MAK: variants seen among roughly 807,000 people sequenced by gnomAD.
MAK encodes serine/threonine-protein kinase MAK.
MAK carries 65 observed loss-of-function variants against 82.6 expected under a neutral mutation model. The observed-to-expected ratio is 0.79, with a 90% confidence interval of 0.64 to 0.97. The LOEUF (loss-of-function observed/expected upper bound fraction) is 0.97. Ranked by LOEUF, MAK falls within the 50% of genes least tolerant of loss-of-function variation. The pLI is 0.00. For synonymous variants in MAK, 250 were observed against 274.2 expected (o/e 0.91, Z 0.87); for missense variants, 703 against 780.2 (o/e 0.90, Z 1.18).
intron 11 of MAK, among the ~76,000 whole-genome samples, chr6:10,781,854 T>G (rs1009956740): frequency 3.3e-5 from 5 of 152,114 alleles, no homozygotes; most frequent in Admixed American, 6.5e-5. Context: ...TCAGGCCCAC[T>G]TCCCATGTCT....
In MAK at chr6:10,776,946, A is replaced by G. The variant is rs902377420; in HGVS notation, c.1466-1487T>C. On this transcript the variant is annotated intron_variant, in intron 11 of 14. Transcript: ENST00000354489. This position sits in a 1 kb window ranked among gnomAD's most constrained non-coding sequence, Gnocchi z 4.3. ...CTAAAAACACAAAAATTAGCCAGGC[A>G]TGAGACAGGAGAATCGCTTGAACCT... 6.6e-6 allele frequency among the ~76,000 whole-genome samples: 1 copy of G among 151,644 alleles called. No individual in the cohort carries two copies. The highest frequency in any genetic ancestry group is 1.5e-5 in the Non-Finnish European group (1 of 67,896).
chr6:10,833,231 G>A (rs896882920), intron 1 of MAK, among the ~76,000 whole-genome samples: 1 of 152,230 alleles, frequency 6.6e-6, no homozygotes, highest in Non-Finnish European at 1.5e-5. Flanking sequence ...GAGCAGCACA[G>A]TAAAGTTATG....
chr6:10,791,634 T>C (rs1327665871), intron 10 of MAK, 41 bp downstream of exon 10: 10 of 1,574,812 alleles, frequency 6.3e-6, no homozygotes, highest in Non-Finnish European at 8.7e-6. Flanking sequence ...ATAAAGTTAA[T>C]GCATGGCAAA....
In MAK at chr6:10,796,113, G is replaced by A; in HGVS notation, c.1028C>T (p.Pro343Leu). 1 of 1,614,136 alleles carries A rather than the reference G, an allele frequency of 6.2e-7. No individual in the cohort carries two copies. Among genetic ancestry groups the A allele is most frequent in the Non-Finnish European group, 8.5e-7 (1 of 1,180,034 alleles). The change falls in exon 9 of 15, where the codon CCA becomes CTA. Residue 343 changes from proline (P) to leucine (L), a missense_variant. Coordinates refer to ENST00000354489, the MANE Select transcript of MAK (RefSeq NM_001242957.3). ...CTGTGGCGGCTGAATGGGCTGCAGTGGCTGCTGGCTAGTTTTTGGCTGGGG... is the reference window on the plus strand; with the variant it reads ...CTGTGGCGGCTGAATGGGCTGCAGTAGCTGCTGGCTAGTTTTTGGCTGGGG... Reference protein sequence around the residue: ...GQPQPKTSQQPLQPIQPPQNL... With the variant: ...GQPQPKTSQQLLQPIQPPQNL...
intron 14 of MAK, among the ~76,000 whole-genome samples, chr6:10,767,067 G>A (rs1772510930): frequency 6.7e-6 from 1 of 148,310 alleles, no homozygotes; most frequent in Non-Finnish European, 1.5e-5. Context: ...TTGTGCCTTA[G>A]TGGGACCACC....
intron 8 of MAK, among the ~76,000 whole-genome samples, chr6:10,797,237 A>C: frequency 6.6e-6 from 1 of 152,130 alleles, no homozygotes; most frequent in South Asian, 2.1e-4. Context: ...TATTATGAAA[A>C]ATGATCACTG....
chr6:10,810,972 T>G (rs866202502), intron 5 of MAK, among the ~76,000 whole-genome samples: 1 of 152,212 alleles, frequency 6.6e-6, no homozygotes, highest in Non-Finnish European at 1.5e-5. Context: ...CTAAATATTT[T>G]CATTTTTTTG....
In MAK at chr6:10,813,122, ATATATATATATAAATTT is replaced by A. The variant is rs1561987406; in HGVS notation, c.358+505_358+521del. ...TATATATATATATATATATATATAT[ATATATATATATAAATTT>A]TTTTTTTTTTTTTTTTTTTTTTTTT... On this transcript the variant is annotated intron_variant, in intron 5 of 14. Transcript: ENST00000354489. Among the ~76,000 whole-genome samples the A allele has an allele frequency of 8.6e-3, 14 of 1,622 alleles. 2 individuals carry two copies. The highest frequency in any genetic ancestry group is 0.013 in the Non-Finnish European group (13 of 1,022). 1.1% of individuals were successfully genotyped at this position (1,622 alleles called of 152,430 possible). A position where few individuals can be genotyped will look rare whatever the true frequency, so the allele number is the denominator to read the frequency against.
At chr6:10,811,571 A>G (rs1485918288) in intron 5 of MAK, among the ~76,000 whole-genome samples, 1 of 152,246 alleles carries the variant, frequency 6.6e-6, no homozygotes, top group Non-Finnish European at 1.5e-5. Flanking sequence ...AAGTGTTACC[A>G]TGCTGACCAG....
At chr6:10,768,864 A>G (rs1772717579) in intron 14 of MAK, among the ~76,000 whole-genome samples, 1 of 152,176 alleles carries the variant, frequency 6.6e-6, no homozygotes, top group Non-Finnish European at 1.5e-5. Flanking sequence ...GGGTTTTAAT[A>G]TAAGATAGTG....
rs2127500622 is a variant in MAK at position 10,764,297 on chromosome 6, GTAAAA to G, written c.*150_*154del. ...AAGAAAATGCATTTCTTGGAAATAA[GTAAAA>G]TAGGGGATGATTTTTGCCCTTCCAA... On this transcript the variant is annotated 3_prime_UTR_variant, in exon 15 of 15. Coordinates refer to ENST00000354489, the MANE Select transcript of MAK (RefSeq NM_001242957.3). The G allele has an allele frequency of 1.4e-6, 1 of 700,726 alleles. No homozygotes were observed. The highest frequency in any genetic ancestry group is 2.7e-5 in the East Asian group (1 of 36,694). 43.4% of individuals were successfully genotyped at this position (700,726 alleles called of 1,614,324 possible).
At chr6:10,822,020 G>A (rs1581758321) in intron 2 of MAK, among the ~76,000 whole-genome samples, 2 of 151,594 alleles carry the variant, frequency 1.3e-5, no homozygotes, top group African/African-American at 2.4e-5. Flanking sequence ...GGTGGCGGGC[G>A]CCTGTAGTCC....
chr6:10,769,203 G>A (rs561027136), intron 14 of MAK, among the ~76,000 whole-genome samples: 4 of 152,080 alleles, frequency 2.6e-5, no homozygotes, highest in Admixed American at 2.0e-4. Context: ...GACAGAGCAA[G>A]GCTTTTTCTC....
chr6:10,773,404 G>A (rs7357052), intron 12 of MAK, among the ~76,000 whole-genome samples: 6,708 of 152,136 alleles, frequency 0.044, 447 homozygotes, highest in African/African-American at 0.15. Context: ...GTATGACACC[G>A]CAGCGACATT....
intron 1 of MAK, among the ~76,000 whole-genome samples, chr6:10,831,750 G>GA (rs1187866813): frequency 6.6e-6 from 1 of 151,274 alleles, no homozygotes; most frequent in African/African-American, 2.4e-5. Context: ...TGTCTCTAAA[G>GA]AAAAAAAAAT....
chr6:10,806,261 A>C (rs1466591716), intron 6 of MAK, among the ~76,000 whole-genome samples: 1 of 135,018 alleles, frequency 7.4e-6, no homozygotes, highest in African/African-American at 2.9e-5. Context: ...TGCAACCTCC[A>C]CCTCCCGGGT....
At chr6:10,795,457 A>T (rs568177513) in intron 9 of MAK, among the ~76,000 whole-genome samples, 1 of 149,744 alleles carries the variant, frequency 6.7e-6, no homozygotes, top group Admixed American at 6.6e-5. Context: ...AATAAAAAAG[A>T]AAAGCCCAGG....
chr6:10,777,147 C>G (rs1773529311), intron 11 of MAK, among the ~76,000 whole-genome samples: 1 of 152,092 alleles, frequency 6.6e-6, no homozygotes, highest in Admixed American at 6.5e-5. Flanking sequence ...TGGCTCATGC[C>G]TGTAATCCCA....
chr6:10,810,998 T>C (rs1463519816), intron 5 of MAK, among the ~76,000 whole-genome samples: 1 of 152,162 alleles, frequency 6.6e-6, no homozygotes, highest in Admixed American at 6.6e-5. Context: ...AACTATTTTA[T>C]TTTATTTATT....
Sources: gnomAD v4.1 joint callset for allele counts (sites outside exome capture counted in the v4.1 genomes callset) on GRCh38, gnomAD v4.1.1 for gene constraint, Gnocchi (gnomAD v3.1) non-coding constraint, MANE v1.5 for transcripts, NCBI Gene and HGNC (gene_info 2026-07-23, HGNC 2026-07-21) for gene names.